UGT1A3: variants seen among roughly 807,000 people sequenced by gnomAD.
UGT1A3 encodes UDP-glucuronosyltransferase 1A3.
A neutral mutation model predicts 41.0 loss-of-function variants in UGT1A3; 31 were observed. The observed-to-expected ratio is 0.76, with a 90% CI of 0.57 to 1.02. The LOEUF is 1.02. Among genes scored for constraint, UGT1A3 ranks in the 50% least tolerant of loss-of-function variants. The probability of loss-of-function intolerance (pLI) is 0.00; values close to 1 mark genes in which losing one functional copy is unlikely to be tolerated. For synonymous variants in UGT1A3, 262 were observed against 257.6 expected (o/e 1.02, Z -0.17); for missense variants, 737 against 671.0 (o/e 1.10, Z -1.09).
chr2:233,747,678 C>T, intron 1 of UGT1A3: 3 of 1,607,090 alleles, frequency 1.9e-6, no homozygotes, highest in Admixed American at 1.7e-5. Context: ...CCCAATTTAC[C>T]TCTGTGGGGC....
chr2:233,767,623 T>C (rs188657722), intron 2 of UGT1A3, among the ~76,000 whole-genome samples: 5 of 152,322 alleles, frequency 3.3e-5, no homozygotes, highest in African/African-American at 1.2e-4. Flanking sequence ...GTGCACAGCT[T>C]GATAAATTAT....
At chr2:233,748,205 G>C in intron 1 of UGT1A3, 1 of 1,514,056 alleles carries the variant, frequency 6.6e-7, no homozygotes, top group South Asian at 1.3e-5. Flanking sequence ...TGTCGTAATA[G>C]CCTTCAGTGA....
intron 1 of UGT1A3, chr2:233,743,951 A>G (rs1692602468): frequency 1.4e-5 from 19 of 1,344,342 alleles, no homozygotes; most frequent in Non-Finnish European, 1.9e-5. Context: ...AGGCACTGGC[A>G]CAGCGAGCGG....
In UGT1A3 at chr2:233,772,482, T is replaced by G. The variant is rs780493798; in HGVS notation, c.1528T>G (p.Cys510Gly). Residue 510 changes from cysteine to glycine, a missense_variant, in exon 5 of 5, where the codon TGT becomes GGT. Transcript: ENST00000482026. ...GACAGTGGCCTTCATCACCTTTAAATGTTGTGCTTATGGCTACCGGAAATG... is the reference window on the plus strand; with the variant it reads ...GACAGTGGCCTTCATCACCTTTAAAGGTTGTGCTTATGGCTACCGGAAATG... Reference protein sequence around the residue: ...VLTVAFITFKCCAYGYRKCLG... With the variant: ...VLTVAFITFKGCAYGYRKCLG... 5.0e-6 allele frequency: 8 copies of G among 1,614,124 alleles called. No homozygotes were observed. The Admixed American group carries it at 1.3e-4, about 27-fold the overall frequency.
rs574223666 is a variant in UGT1A3, at chr2:233,734,984, T to C, written c.867+4991T>C. ...GTGATGTGGTGCTGAGAAGAATGTA[T>C]ATTCTCTTGACTTAGGGTGGAGAGT... On this transcript the variant is annotated intron_variant, in intron 1 of 4. Transcript: ENST00000482026. Among the ~76,000 whole-genome samples, 9 of 152,370 alleles carry C rather than the reference T, an allele frequency of 5.9e-5. No homozygotes were observed. In the East Asian group the frequency reaches 1.5e-3, roughly 26 times the overall value.
chr2:233,736,812 A>G (rs2078811468), intron 1 of UGT1A3, among the ~76,000 whole-genome samples: 1 of 152,062 alleles, frequency 6.6e-6, no homozygotes, highest in South Asian at 2.1e-4. Context: ...CTGGAGGTCC[A>G]CTCCAGATGC....
intron 1 of UGT1A3, among the ~76,000 whole-genome samples, chr2:233,740,338 G>A (rs1156245808): frequency 6.6e-6 from 1 of 151,948 alleles, no homozygotes; most frequent in Non-Finnish European, 1.5e-5. Context: ...TGAGAAAGTT[G>A]ATGAGAAAGT....
chr2:233,737,590 T>C (rs2078898142), intron 1 of UGT1A3, among the ~76,000 whole-genome samples: 1 of 152,212 alleles, frequency 6.6e-6, no homozygotes, highest in Non-Finnish European at 1.5e-5. Context: ...CCCAATGAGA[T>C]GAACCAGGTA....
At chr2:233,731,193 A>G (rs750244105) in intron 1 of UGT1A3, among the ~76,000 whole-genome samples, 7 of 152,062 alleles carry the variant, frequency 4.6e-5, no homozygotes, top group East Asian at 1.9e-4. Flanking sequence ...TAATTATTCA[A>G]TTATAAAATA....
chr2:233,733,853 T>C (rs2078444746), intron 1 of UGT1A3, among the ~76,000 whole-genome samples: 1 of 152,132 alleles, frequency 6.6e-6, no homozygotes, highest in South Asian at 2.1e-4. Flanking sequence ...TCTTTTTCTA[T>C]TGATTGGAAT....
intron 1 of UGT1A3, among the ~76,000 whole-genome samples, chr2:233,742,390 G>A (rs1691965200): frequency 6.6e-6 from 1 of 152,012 alleles, no homozygotes. Context: ...GATGGCTCAT[G>A]TTATTATTTG....
intron 1 of UGT1A3, among the ~76,000 whole-genome samples, chr2:233,740,100 A>G (rs17862874): frequency 0.037 from 5,662 of 151,960 alleles, 157 homozygotes; most frequent in Non-Finnish European, 0.057. Context: ...CATGTGAGAC[A>G]TGCCTTTGCT....
chr2:233,731,938 C>T (rs1286643444), intron 1 of UGT1A3, among the ~76,000 whole-genome samples: 1 of 152,210 alleles, frequency 6.6e-6, no homozygotes, highest in African/African-American at 2.4e-5. Flanking sequence ...ACATCCTCTC[C>T]AACATCTGTT....
Position 233,769,607 on chromosome 2 carries a change from C to T in UGT1A3, c.1307+1168C>T. On this transcript the variant is annotated intron_variant, in intron 4 of 4. Transcript: ENST00000482026. The surrounding 1 kb of genome is among the most constrained non-coding windows in gnomAD (Gnocchi z 4.4). ...TGAGAGGAGACGGAACACGGGGACA[C>T]ACCAGCTTGAGCAAGGGACAACAGG... 6.2e-7 allele frequency: 1 copy of T among 1,612,808 alleles called. No individual in the cohort carries two copies. The highest frequency in any genetic ancestry group is 1.1e-5 in the South Asian group (1 of 91,046).
intron 4 of UGT1A3, chr2:233,770,673 A>G (rs1176637451): frequency 6.6e-6 from 1 of 152,078 alleles, no homozygotes; most frequent in African/African-American, 2.4e-5. Context: ...AAAAAAAAAA[A>G]AAGAAGGTTC....
rs527483899 is a variant in UGT1A3 at position 233,768,298 on chromosome 2, T to C, written c.1166T>C (p.Met389Thr). Reference sequence around the variant, plus strand: ...GAAAGCATATGCAATGGCGTTCCCATGGTGATGATGCCCTTGTTTGGTGAT... The same window carrying C: ...GAAAGCATATGCAATGGCGTTCCCACGGTGATGATGCCCTTGTTTGGTGAT... ...VYESICNGVP[M>T]VMMPLFGDQM... The change falls in exon 4 of 5, where the codon ATG becomes ACG. Residue 389 changes from methionine to threonine, a missense_variant. Physicochemically the swap from Met to Thr is moderately conservative, Grantham distance 81. Coordinates refer to ENST00000482026, the MANE Select transcript of UGT1A3 (RefSeq NM_019093.4). 2.2e-5 allele frequency: 35 copies of C among 1,614,192 alleles called. No individual in the cohort carries two copies. In the South Asian group the frequency reaches 3.4e-4, roughly 16 times the overall value.
At chr2:233,741,260 G>T (rs1242600336) in intron 1 of UGT1A3, among the ~76,000 whole-genome samples, 1 of 151,812 alleles carries the variant, frequency 6.6e-6, no homozygotes, top group Non-Finnish European at 1.5e-5. Context: ...GCCACTCTTT[G>T]CTGACCACTG....
At position 233,766,963 on chromosome 2, in the gene UGT1A3, C is replaced by T. The variant is rs1348072770; in HGVS notation, c.868-71C>T. On this transcript the variant is annotated intron_variant, in intron 1 of 4. Transcript: ENST00000482026. ...AGTCTTAAGAGGAAGATATCTAATT[C>T]ATAACTTACTGTATGTAGTCATCAA... is the stretch of plus-strand genomic sequence containing the variant. 3.4e-5 allele frequency: 54 copies of T among 1,607,648 alleles called. No individual in the cohort carries two copies. In the South Asian group the frequency reaches 3.5e-4, roughly 10 times the overall value.
chr2:233,757,298 TG>T (rs1270061010), intron 1 of UGT1A3, among the ~76,000 whole-genome samples: 3 of 5,528 alleles, frequency 5.4e-4, no homozygotes, highest in Non-Finnish European at 9.8e-4. Context: ...AGCTGGGGGT[TG>T]GGGGACAGGG....
Sources: gnomAD v4.1 joint callset for allele counts (sites outside exome capture counted in the v4.1 genomes callset) on GRCh38, gnomAD v4.1.1 for gene constraint, Gnocchi (gnomAD v3.1) non-coding constraint, MANE v1.5 for transcripts, NCBI Gene and HGNC (gene_info 2026-07-23, HGNC 2026-07-21) for gene names.